MAST4: variants seen among roughly 807,000 people sequenced by gnomAD.
MAST4 encodes the protein microtubule associated serine/threonine kinase family member 4.
MAST4 carries 89 observed loss-of-function variants against 162.7 expected under a neutral mutation model. That is an observed-to-expected ratio of 0.55 (90% CI 0.46 to 0.65). MAST4 has a LOEUF of 0.65. MAST4 is among the 30% of genes least tolerant of loss of function. The pLI, the probability that MAST4 is intolerant of heterozygous loss-of-function variation, is 0.00. For missense variants in MAST4, 3,153 were observed against 3,374.0 expected, an observed-to-expected ratio of 0.93 and a Z score of 1.62; for synonymous variants, 1,479 against 1,361.1, an observed-to-expected ratio of 1.09 and a Z score of -1.91.
intron 2 of MAST4, among the ~76,000 whole-genome samples, chr5:66,771,581 A>G (rs1054996639): frequency 6.6e-6 from 1 of 152,132 alleles, no homozygotes; most frequent in Non-Finnish European, 1.5e-5. Flanking sequence ...GGATCCGTGA[A>G]CAGAAGGCTT....
intron 1 of MAST4, among the ~76,000 whole-genome samples, chr5:66,692,351 C>G (rs1749097603): frequency 6.6e-6 from 1 of 151,886 alleles, no homozygotes. Flanking sequence ...CTTTTGTGCT[C>G]ATATTTTGTT....
chr5:66,825,144 A>G lies in MAST4; in HGVS notation c.642+36350A>G, dbSNP rs534648900. On this transcript the variant is annotated intron_variant, in intron 3 of 28. Coordinates refer to ENST00000403625, the MANE Select transcript of MAST4 (RefSeq NM_001164664.2). ...TTAAAAACTTTTAAATTCTTTCGCA[A>G]TATCACTTAGCTTAAAACATGCATT... Among the ~76,000 whole-genome samples the G allele has an allele frequency of 1.4e-3, 214 of 152,244 alleles. 1 individual carries two copies. Among genetic ancestry groups the G allele is most frequent in the African/African-American group, 5.0e-3 (206 of 41,554 alleles).
At chr5:66,599,448 C>A (rs1424878065) in intron 1 of MAST4, among the ~76,000 whole-genome samples, 1 of 152,226 alleles carries the variant, frequency 6.6e-6, no homozygotes, top group Non-Finnish European at 1.5e-5. Context: ...CATTCAACTT[C>A]TGCAAATCTC....
intron 17 of MAST4, among the ~76,000 whole-genome samples, chr5:67,134,224 GTTT>G (rs1769343240): frequency 6.6e-6 from 1 of 152,116 alleles, no homozygotes; most frequent in Admixed American, 6.6e-5. Context: ...ATTATAAGTG[GTTT>G]TAATATTGTA....
At chr5:66,686,083 G>A (rs1454634651) in intron 1 of MAST4, among the ~76,000 whole-genome samples, 1 of 152,058 alleles carries the variant, frequency 6.6e-6, no homozygotes, top group Non-Finnish European at 1.5e-5. Context: ...GCCACGGACT[G>A]GTCTGTGGCC....
At chr5:66,648,456 A>T (rs1746008630) in intron 1 of MAST4, among the ~76,000 whole-genome samples, 1 of 152,086 alleles carries the variant, frequency 6.6e-6, no homozygotes, top group Non-Finnish European at 1.5e-5. Flanking sequence ...TTTATACTGG[A>T]ACTGCCTTAG....
chr5:67,164,342 C>G lies in MAST4; in HGVS notation c.5163C>G (p.Asn1721Lys). Reference sequence around the variant, plus strand: ...GCTCCCACGAATGCCTGCCAGGGAACCCAGTCCGACCCACGGGTGGGCAGC... The same window carrying G: ...GCTCCCACGAATGCCTGCCAGGGAAGCCAGTCCGACCCACGGGTGGGCAGC... The part of the protein sequence containing the change: ...TAGSHECLPG[N>K]PVRPTGGQQE... Residue 1721 changes from asparagine to lysine, a missense_variant, in exon 29 of 29, where the codon AAC becomes AAG. By Grantham distance (94) the Asn-to-Lys change is moderately conservative. Transcript: ENST00000403625. This position sits in a 1 kb window ranked among gnomAD's most constrained non-coding sequence, Gnocchi z 5.3. 6.2e-7 allele frequency: 1 copy of G among 1,613,958 alleles called. No homozygotes were observed. Among genetic ancestry groups the G allele is most frequent in the Non-Finnish European group, 8.5e-7 (1 of 1,179,878 alleles).
chr5:67,163,896 G>A lies in MAST4; in HGVS notation c.4717G>A (p.Glu1573Lys). Residue 1573 changes from glutamate (E) to lysine (K), a missense_variant, in exon 29 of 29, where the codon GAG becomes AAG. This residue lies in a region of MAST4 where 1,644 missense variants were observed against 1,495.0 expected (regional missense o/e 1.10). Transcript: ENST00000403625. This position sits in a 1 kb window ranked among gnomAD's most constrained non-coding sequence, Gnocchi z 7.0. ...NFALFKLEER[E>K]KKVYPKAVER... ...TGCTCTGTTTAAGCTGGAAGAGAGA[G>A]AGAAGAAAGTCTATCCGAAGGCTGT... is the stretch of plus-strand genomic sequence containing the variant. 1 of 1,614,044 alleles carries A rather than the reference G, an allele frequency of 6.2e-7. No individual in the cohort carries two copies.
intron 5 of MAST4, among the ~76,000 whole-genome samples, chr5:67,059,807 A>G (rs1759324334): frequency 6.6e-6 from 1 of 152,170 alleles, no homozygotes; most frequent in Non-Finnish European, 1.5e-5. Context: ...CTATGTGTAT[A>G]TATAGATTTA....
chr5:66,805,371 G>A (rs1219640302), intron 3 of MAST4, among the ~76,000 whole-genome samples: 2 of 152,038 alleles, frequency 1.3e-5, no homozygotes, highest in Non-Finnish European at 2.9e-5. Flanking sequence ...CTCATTTCAT[G>A]GTATGTTTAA....
At chr5:66,932,530 T>A (rs989734888) in intron 4 of MAST4, among the ~76,000 whole-genome samples, 7 of 152,198 alleles carry the variant, frequency 4.6e-5, no homozygotes, top group Non-Finnish European at 7.4e-5. Context: ...AAACACGTGT[T>A]GAAATTGTGC....
rs747869481 is a variant in MAST4, at chr5:67,134,718, C to T, written c.2392+30C>T. 3.8e-6 allele frequency: 6 copies of T among 1,576,042 alleles called. No individual in the cohort carries two copies. The East Asian group carries it at 9.0e-5, about 24-fold the overall frequency. On this transcript the variant is annotated intron_variant, in intron 18 of 28. Transcript: ENST00000403625. ...ATATCATCAGGAGTTATCTTTAGGT[C>T]ACTGTTGGGAAGCAGCTATTTAATG...
chr5:66,946,153 C>A (rs10500566), intron 4 of MAST4, among the ~76,000 whole-genome samples: 8,134 of 152,158 alleles, frequency 0.053, 715 homozygotes, highest in African/African-American at 0.19. Context: ...TTGAAGAGAA[C>A]CATCATGCTG....
At position 67,165,318 on chromosome 5, in the gene MAST4, GGC is replaced by G; in HGVS notation, c.6140_6141del (p.Gly2047AlafsTer3). 1 of 1,613,588 alleles carries G rather than the reference GGC, an allele frequency of 6.2e-7. No homozygotes were observed. Among genetic ancestry groups the G allele is most frequent in the Non-Finnish European group, 8.5e-7 (1 of 1,179,880 alleles). On this transcript the variant is annotated frameshift_variant, in exon 29 of 29. Transcript: ENST00000403625. LOFTEE classifies it low-confidence loss of function (END_TRUNC). ...GGGTGGGAAAACGAACCACAAAGAT[GGC>G]CCAGGTGAGGCGAGGCCCCCGCCCA... Reference protein sequence around the residue: ...APGGKTNHKDGPGEARPPPRD... With the variant: ...APGGKTNHKDXPGEARPPPRD...
chr5:66,773,596 G>T (rs923770596), intron 2 of MAST4, among the ~76,000 whole-genome samples: 3 of 152,080 alleles, frequency 2.0e-5, no homozygotes, highest in Non-Finnish European at 2.9e-5. Flanking sequence ...TTAGAAGTAG[G>T]GCCTTTAAGA....
chr5:67,029,921 T>C (rs1442683881), intron 4 of MAST4, among the ~76,000 whole-genome samples: 2 of 152,152 alleles, frequency 1.3e-5, no homozygotes, highest in African/African-American at 4.8e-5. Flanking sequence ...TTAATCCTAA[T>C]TATTCTGAAA....
chr5:67,080,321 C>A (rs546657454), intron 5 of MAST4, among the ~76,000 whole-genome samples: 58 of 152,264 alleles, frequency 3.8e-4, no homozygotes, highest in Non-Finnish European at 6.9e-4. Flanking sequence ...TTTAAAGACC[C>A]TGTCATGTTC....
At chr5:66,874,086 G>C (rs909931459) in intron 3 of MAST4, among the ~76,000 whole-genome samples, 3 of 152,134 alleles carry the variant, frequency 2.0e-5, no homozygotes, top group African/African-American at 4.8e-5. Context: ...TAAGAGTAAA[G>C]GGTTAGGGGG....
At chr5:66,785,736 A>G (rs1755083379) in intron 2 of MAST4, among the ~76,000 whole-genome samples, 1 of 152,230 alleles carries the variant, frequency 6.6e-6, no homozygotes, top group African/African-American at 2.4e-5. Context: ...TCAGTCAACA[A>G]ACATTTATTG....
Sources: gnomAD v4.1 joint callset for allele counts (sites outside exome capture counted in the v4.1 genomes callset) on GRCh38, gnomAD v4.1.1 for gene constraint, gnomAD v4.1.1 regional missense constraint, Gnocchi (gnomAD v3.1) non-coding constraint, MANE v1.5 for transcripts, NCBI Gene and HGNC (gene_info 2026-07-23, HGNC 2026-07-21) for gene names.